The following SHANK2 variants were observed in gnomAD, a reference collection of about 807,000 sequenced individuals.
SHANK2 encodes the protein SH3 and multiple ankyrin repeat domains protein 2.
Under a neutral mutation model 133.7 loss-of-function variants are expected in SHANK2, and 43 were observed. The ratio of observed to expected loss-of-function variants is 0.32; its 90% CI spans 0.25 to 0.41. SHANK2 has a LOEUF of 0.41. Among genes scored for constraint, SHANK2 ranks in the 10% least tolerant of loss-of-function variants. The pLI, the probability that SHANK2 is intolerant of heterozygous loss-of-function variation, is 1.00. For synonymous variants in SHANK2, 1,017 were observed against 952.8 expected, an observed-to-expected ratio of 1.07 and a Z score of -1.24; for missense variants, 1,994 against 2,235.8, an observed-to-expected ratio of 0.89 and a Z score of 2.18.
intron 14 of SHANK2, among the ~76,000 whole-genome samples, chr11:70,746,394 TG>T (rs1946638520): frequency 6.8e-6 from 1 of 145,988 alleles, no homozygotes; most frequent in African/African-American, 2.6e-5. Context: ...CCCTTCAGGG[TG>T]GGGGATGCAG....
chr11:70,861,325 C>T (rs1360047166), intron 11 of SHANK2, among the ~76,000 whole-genome samples: 2 of 152,188 alleles, frequency 1.3e-5, no homozygotes, highest in Non-Finnish European at 2.9e-5. Flanking sequence ...GCTTTTAAAA[C>T]ACTATAAAAC....
At chr11:71,244,516 C>T (rs1205938741) in intron 1 of SHANK2, among the ~76,000 whole-genome samples, 1 of 152,198 alleles carries the variant, frequency 6.6e-6, no homozygotes, top group African/African-American at 2.4e-5. Flanking sequence ...CCATTCTCAT[C>T]ATAACACTGA....
chr11:70,845,548 G>A (rs1190385385), intron 11 of SHANK2, among the ~76,000 whole-genome samples: 3 of 152,036 alleles, frequency 2.0e-5, no homozygotes, highest in Admixed American at 6.5e-5. Context: ...ATAGAGAGGC[G>A]GTGTTGGAAG....
chr11:71,194,333 G>A (rs1200659420), intron 2 of SHANK2, among the ~76,000 whole-genome samples: 3 of 152,184 alleles, frequency 2.0e-5, no homozygotes, highest in South Asian at 2.1e-4. Context: ...TCAGTGCCGC[G>A]TGTGACAGCT....
intron 17 of SHANK2, among the ~76,000 whole-genome samples, chr11:70,598,969 G>GT (rs2060438475): frequency 7.6e-6 from 1 of 131,042 alleles, no homozygotes. Flanking sequence ...AATTTTGAAA[G>GT]CTTTTTTTTT....
intron 10 of SHANK2, among the ~76,000 whole-genome samples, chr11:70,943,615 G>T (rs1950677509): frequency 6.6e-6 from 1 of 152,198 alleles, no homozygotes; most frequent in Admixed American, 6.5e-5. Flanking sequence ...GGGCCAGAAG[G>T]ATGGCAAGTC....
At chr11:70,545,463 C>T (rs782241419) in intron 17 of SHANK2, among the ~76,000 whole-genome samples, 9 of 152,076 alleles carry the variant, frequency 5.9e-5, no homozygotes, top group Non-Finnish European at 1.0e-4. Context: ...TCCTGGATGG[C>T]GCCCACCTCA....
At position 70,471,386 on chromosome 11, in the gene SHANK2, CCTGA is replaced by C. The variant is rs1221990144; in HGVS notation, c.*1479_*1482del. ...CAAATGGGGGAGAATGTGCTGGAAG[CCTGA>C]CTGTGTGTTTTGCGGCCCATGTGCA... On this transcript the variant is annotated 3_prime_UTR_variant, in exon 26 of 26. Transcript: ENST00000601538. This position sits in a 1 kb window ranked among gnomAD's most constrained non-coding sequence, Gnocchi z 4.1. 1 of 398,716 alleles carries C rather than the reference CCTGA, an allele frequency of 2.5e-6. No individual in the cohort carries two copies. Among genetic ancestry groups the C allele is most frequent in the African/African-American group, 2.1e-5 (1 of 48,552 alleles). The allele number at this position is 398,716 out of a possible 1,614,324, so 24.7% of individuals were successfully genotyped here.
At chr11:70,913,409 C>T (rs1168079699) in intron 10 of SHANK2, among the ~76,000 whole-genome samples, 12 of 151,776 alleles carry the variant, frequency 7.9e-5, no homozygotes, top group Non-Finnish European at 1.8e-4. Context: ...TTCAATTCCT[C>T]CGGGAACAAA....
intron 14 of SHANK2, among the ~76,000 whole-genome samples, chr11:70,780,082 A>G (rs1234273409): frequency 2.0e-5 from 3 of 152,240 alleles, no homozygotes; most frequent in Non-Finnish European, 2.9e-5. Flanking sequence ...GCCCCCATGG[A>G]GAAATCAGGC....
At chr11:70,853,447 A>C (rs1949121179) in intron 11 of SHANK2, among the ~76,000 whole-genome samples, 1 of 152,164 alleles carries the variant, frequency 6.6e-6, no homozygotes, top group Non-Finnish European at 1.5e-5. Flanking sequence ...GAGAGGTTTG[A>C]AGCGGACTGG....
chr11:70,886,719 ACACC>A (rs1565384307), intron 11 of SHANK2, among the ~76,000 whole-genome samples: 2 of 83,472 alleles, frequency 2.4e-5, no homozygotes, highest in African/African-American at 3.4e-5. Flanking sequence ...ACACACACAC[ACACC>A]CCTAACATAT....
chr11:70,890,531 G>A (rs113808027), intron 11 of SHANK2, among the ~76,000 whole-genome samples: 13 of 151,862 alleles, frequency 8.6e-5, no homozygotes, highest in African/African-American at 2.9e-4. Flanking sequence ...CAGGCATGGT[G>A]GCTCAGGCCT....
At chr11:70,791,806 A>C (rs1421503479) in intron 14 of SHANK2, among the ~76,000 whole-genome samples, 1 of 152,216 alleles carries the variant, frequency 6.6e-6, no homozygotes, top group Admixed American at 6.5e-5. Context: ...GTCCCTGCCC[A>C]GTAACTCCCT....
intron 3 of SHANK2, among the ~76,000 whole-genome samples, chr11:71,143,704 T>C (rs1314432483): frequency 6.6e-6 from 1 of 152,074 alleles, no homozygotes; most frequent in East Asian, 1.9e-4. Context: ...GAGAGCACTG[T>C]TGGCTGTGAG....
intron 17 of SHANK2, among the ~76,000 whole-genome samples, chr11:70,638,580 G>A (rs1441373967): frequency 1.3e-5 from 2 of 152,218 alleles, no homozygotes; most frequent in Non-Finnish European, 2.9e-5. Context: ...CGGAAAATCC[G>A]CGGTGGCCGA....
intron 3 of SHANK2, among the ~76,000 whole-genome samples, chr11:71,125,266 G>A (rs189574111): frequency 2.6e-5 from 4 of 152,306 alleles, no homozygotes; most frequent in East Asian, 1.9e-4. Flanking sequence ...GCTTAGCAAG[G>A]AAGGCATGTT....
chr11:70,840,271 G>A (rs1261739742), intron 11 of SHANK2, among the ~76,000 whole-genome samples: 1 of 152,218 alleles, frequency 6.6e-6, no homozygotes, highest in African/African-American at 2.4e-5. Context: ...GAGGGCAGGT[G>A]AGAGCTCACC....
Position 70,710,406 on chromosome 11 carries a change from A to T in SHANK2, c.1778-11643T>A, listed in dbSNP as rs1222858672. On this transcript the variant is annotated intron_variant, in intron 14 of 25. Transcript: ENST00000601538. Reference sequence around the variant, plus strand: ...ATGGAATGGGGTAGGAGGGAAGCTTAAAACCCAAGGAGGGCTGCAGACACC... The same window carrying T: ...ATGGAATGGGGTAGGAGGGAAGCTTTAAACCCAAGGAGGGCTGCAGACACC... 3.9e-5 allele frequency among the ~76,000 whole-genome samples: 6 copies of T among 152,320 alleles called. No homozygotes were observed. In the East Asian group the frequency reaches 1.2e-3, roughly 29 times the overall value.
Sources: allele counts gnomAD v4.1 joint callset (sites outside exome capture counted in the v4.1 genomes callset), GRCh38; gene constraint gnomAD v4.1.1; non-coding constraint Gnocchi (gnomAD v3.1); transcripts MANE v1.5; gene names NCBI Gene and HGNC (gene_info 2026-07-23, HGNC 2026-07-21).